PMM2: variants seen among roughly 807,000 people sequenced by gnomAD.
PMM2 encodes mannose-6-phosphate isomerase.
PMM2 carries 35 observed loss-of-function variants against 33.2 expected under a neutral mutation model. The observed-to-expected ratio is 1.06, with a 90% CI of 0.81 to 1.40. The LOEUF (loss-of-function observed/expected upper bound fraction) is 1.40, where lower values mean the gene tolerates loss of function less well. PMM2 is among the 40% of genes most tolerant of loss of function. The probability of loss-of-function intolerance (pLI) is 0.00; values close to 1 mark genes in which losing one functional copy is unlikely to be tolerated. For missense variants in PMM2, 386 were observed against 306.0 expected (o/e 1.26, Z -1.95); for synonymous variants, 153 against 114.7 (o/e 1.33, Z -2.13).
chr16:8,805,486 C>T (rs559712790), intron 3 of PMM2, among the ~76,000 whole-genome samples: 1 of 152,174 alleles, frequency 6.6e-6, no homozygotes, highest in South Asian at 2.1e-4. Context: ...CAGCCTCCCA[C>T]GTAGCAGGGA....
At chr16:8,832,993 T>C in intron 7 of PMM2, 1 of 544,392 alleles carries the variant, frequency 1.8e-6, no homozygotes, top group Non-Finnish European at 2.3e-6. Flanking sequence ...GTGGTTTTGG[T>C]TTGCGCCGTA....
chr16:8,832,161 G>T (rs2060813908), intron 7 of PMM2: 1 of 985,296 alleles, frequency 1.0e-6, no homozygotes, highest in Admixed American at 6.2e-5. Context: ...CAAGAAGGCT[G>T]CACCCCAGGA....
At chr16:8,843,321 G>A (rs927407465) in intron 7 of PMM2, among the ~76,000 whole-genome samples, 15 of 152,236 alleles carry the variant, frequency 9.9e-5, no homozygotes, top group African/African-American at 3.4e-4. Context: ...GTGATGGTCT[G>A]GGGGCTTCCA....
At chr16:8,800,677 T>TTTG (rs1555448803) in intron 1 of PMM2, among the ~76,000 whole-genome samples, 2,546 of 149,562 alleles carry the variant, frequency 0.017, 87 homozygotes, top group African/African-American at 0.059. Context: ...TTTTTTTTTT[T>TTTG]TTTTGTTTTG....
At chr16:8,835,245 G>A (rs1461072495) in intron 7 of PMM2, among the ~76,000 whole-genome samples, 1 of 151,280 alleles carries the variant, frequency 6.6e-6, no homozygotes, top group Non-Finnish European at 1.5e-5. Flanking sequence ...GAAGGGAGTT[G>A]TTGTTTTGTA....
intron 7 of PMM2, among the ~76,000 whole-genome samples, chr16:8,838,767 G>A (rs568794139): frequency 6.6e-6 from 1 of 152,198 alleles, no homozygotes; most frequent in African/African-American, 2.4e-5. Flanking sequence ...CAATTAGAGA[G>A]TGCGTAAGGG....
At chr16:8,838,535 G>C (rs577915658) in intron 7 of PMM2, among the ~76,000 whole-genome samples, 2 of 151,982 alleles carry the variant, frequency 1.3e-5, no homozygotes, top group African/African-American at 4.8e-5. Context: ...TAGGGGCGGC[G>C]TGGGAACCTA....
chr16:8,813,889 CAG>C (rs1258265492), intron 7 of PMM2, among the ~76,000 whole-genome samples: 27 of 110,576 alleles, frequency 2.4e-4, no homozygotes, highest in Non-Finnish European at 4.4e-4. Flanking sequence ...TTTTCTGAGA[CAG>C]AGTCTCGCTC....
chr16:8,843,798 A>G (rs1490903395), intron 7 of PMM2, among the ~76,000 whole-genome samples: 2 of 152,178 alleles, frequency 1.3e-5, no homozygotes, highest in Non-Finnish European at 2.9e-5. Flanking sequence ...TATATTGAGA[A>G]TAAGACGGCC....
chr16:8,811,197 T>A lies in PMM2; in HGVS notation c.447+19T>A, dbSNP rs11074924. On this transcript the variant is annotated intron_variant, in intron 5 of 7. Transcript: ENST00000268261. ...CGATAAAGTACGTCTTTCTGAAATA[T>A]CTTTGGTGAATGGCTGGGTTTATGG... The A allele has an allele frequency of 1.6e-5, 23 of 1,448,758 alleles. No homozygotes were observed. Among genetic ancestry groups the A allele is most frequent in the African/African-American group, 2.8e-5 (2 of 71,046 alleles). The allele number at this position is 1,448,758 out of a possible 1,614,324, so 89.7% of individuals were successfully genotyped here.
intron 7 of PMM2, chr16:8,832,191 A>G (rs973848059): frequency 8.1e-6 from 8 of 985,398 alleles, no homozygotes; most frequent in Non-Finnish European, 9.6e-6. Context: ...CCATGCTCTG[A>G]GAGTCACAAA....
chr16:8,826,892 G>A (rs561987985), intron 7 of PMM2, among the ~76,000 whole-genome samples: 8 of 151,708 alleles, frequency 5.3e-5, no homozygotes, highest in African/African-American at 1.9e-4. Context: ...TCCCTCTTTC[G>A]TGAATAATCA....
chr16:8,832,182 C>T, intron 7 of PMM2: 1 of 985,440 alleles, frequency 1.0e-6, no homozygotes, highest in Non-Finnish European at 1.2e-6. Flanking sequence ...AGGAGCCCAC[C>T]ATGCTCTGAG....
chr16:8,806,211 C>T (rs1183941899), intron 3 of PMM2, 105 bp from the exon 4 acceptor site: 8 of 766,914 alleles, frequency 1.0e-5, no homozygotes, highest in South Asian at 9.6e-5. Context: ...GCTACATCAG[C>T]CTACTGATTT....
intron 7 of PMM2, among the ~76,000 whole-genome samples, chr16:8,818,962 A>T (rs889382002): frequency 6.6e-6 from 1 of 152,102 alleles, no homozygotes; most frequent in Non-Finnish European, 1.5e-5. Context: ...ACCCTCAGCC[A>T]CTCTGAATTC....
chr16:8,836,318 G>C (rs2060846988), intron 7 of PMM2, among the ~76,000 whole-genome samples: 1 of 152,068 alleles, frequency 6.6e-6, no homozygotes, highest in South Asian at 2.1e-4. Context: ...AGGAGTCAGA[G>C]AGCCTTGGGC....
In PMM2 at chr16:8,832,298, C is replaced by T. The variant is rs368793160; in HGVS notation, c.640-15426C>T. On this transcript the variant is annotated intron_variant, in intron 7 of 7. Coordinates refer to ENST00000268261, the MANE Select transcript of PMM2 (RefSeq NM_000303.3). ...TGCGAGCCGTGCGGCTCTCTGAAAG[C>T]GGGTGGAGCTGAGAAGCAACCCAGA... 324 of 985,438 alleles carry T rather than the reference C, an allele frequency of 3.3e-4. No homozygotes were observed. The East Asian group carries it at 3.6e-3, about 11-fold the overall frequency. 61.0% of individuals were successfully genotyped at this position (985,438 alleles called of 1,614,324 possible).
chr16:8,801,446 G>A (rs1567156360), intron 1 of PMM2, among the ~76,000 whole-genome samples: 1 of 152,154 alleles, frequency 6.6e-6, no homozygotes, highest in Non-Finnish European at 1.5e-5. Flanking sequence ...CAAGGCTGGT[G>A]GATCTCCTGA....
chr16:8,833,826 A>G (rs938206353), intron 7 of PMM2, among the ~76,000 whole-genome samples: 2 of 152,170 alleles, frequency 1.3e-5, no homozygotes, highest in African/African-American at 4.8e-5. Flanking sequence ...GAGAGTGCCT[A>G]AGGAGATTCA....
Sources: gnomAD v4.1 joint callset for allele counts (sites outside exome capture counted in the v4.1 genomes callset) on GRCh38, gnomAD v4.1.1 for gene constraint, MANE v1.5 for transcripts, NCBI Gene and HGNC (gene_info 2026-07-23, HGNC 2026-07-21) for gene names.